Variants in WDR49 observed in about 807,000 individuals in gnomAD.
The protein encoded by WDR49 is cilia- and flagella-associated protein 337.
In WDR49, 107 loss-of-function variants were observed where a neutral mutation model predicts 119.5. The observed-to-expected ratio is 0.90, with a 90% CI of 0.77 to 1.05. The LOEUF is 1.05. Ranked by LOEUF, WDR49 falls within the 50% of genes least tolerant of loss-of-function variation. The probability of loss-of-function intolerance (pLI) is 0.00; values close to 1 mark genes in which losing one functional copy is unlikely to be tolerated. For missense variants in WDR49, 1,240 were observed against 1,220.5 expected, an observed-to-expected ratio of 1.02 and a Z score of -0.24; for synonymous variants, 425 against 418.8, an observed-to-expected ratio of 1.01 and a Z score of -0.18.
Position 167,527,915 on chromosome 3 carries a change from C to T in WDR49, c.2509G>A (p.Glu837Lys). The stretch of plus-strand genomic sequence containing the variant: ...ATAATCAGTAACTGACCACCTGGCT[C>T]ACACATCTCTAAGGAACTTATTCGG... ...EDRISSLEMCEPGGQLLIISS... is the reference protein window; with the variant it reads ...EDRISSLEMCKPGGQLLIISS... Residue 837 changes from glutamate to lysine, a missense_variant, in exon 15 of 19, where the codon GAG (glutamate) becomes AAG (lysine). Physicochemically the swap from Glu to Lys is moderately conservative, Grantham distance 56. Transcript: ENST00000682715. 1.2e-6 allele frequency: 2 copies of T among 1,613,258 alleles called. No individual in the cohort carries two copies. Among genetic ancestry groups the T allele is most frequent in the Non-Finnish European group, 8.5e-7 (1 of 1,179,574 alleles).
chr3:167,625,910 C>T (rs555880605), intron 3 of WDR49, among the ~76,000 whole-genome samples: 1 of 141,678 alleles, frequency 7.1e-6, no homozygotes, highest in African/African-American at 2.7e-5. Flanking sequence ...TCAACAGCAA[C>T]AGCCAAAATT....
intron 16 of WDR49, among the ~76,000 whole-genome samples, chr3:167,507,762 G>C (rs1751829080): frequency 6.6e-6 from 1 of 152,150 alleles, no homozygotes; most frequent in Admixed American, 6.5e-5. Context: ...CACAGAGGGA[G>C]AAAAGTAGTC....
intron 8 of WDR49, among the ~76,000 whole-genome samples, chr3:167,568,907 T>C (rs1713765929): frequency 6.6e-6 from 1 of 152,150 alleles, no homozygotes; most frequent in African/African-American, 2.4e-5. Flanking sequence ...GGGGTGGCTA[T>C]GAAATCATTG....
intron 10 of WDR49, among the ~76,000 whole-genome samples, chr3:167,540,562 T>C (rs922392708): frequency 7.2e-5 from 11 of 152,116 alleles, no homozygotes; most frequent in African/African-American, 2.4e-4. Flanking sequence ...AGCCCTTGAA[T>C]TCCAGATTTT....
At chr3:167,584,941 C>T (rs1021797547) in intron 7 of WDR49, among the ~76,000 whole-genome samples, 1 of 151,944 alleles carries the variant, frequency 6.6e-6, no homozygotes, top group African/African-American at 2.4e-5. Context: ...TTTTCTTGAT[C>T]GTAATAGCTT....
Position 167,526,813 on chromosome 3 carries a change from C to T in WDR49, c.2604+1007G>A, listed in dbSNP as rs117995947. On this transcript the variant is annotated intron_variant, in intron 15 of 18. Transcript: ENST00000682715. ...CAAATACAGCAACAACAAACCTTGT[C>T]TTCCAACACTAAAAGAATTGCCTAC... Among the ~76,000 whole-genome samples the T allele has an allele frequency of 3.1e-3, 477 of 152,228 alleles. 4 individuals carry two copies. Among genetic ancestry groups the T allele is most frequent in the East Asian group, 0.031 (161 of 5,168 alleles).
intron 2 of WDR49, among the ~76,000 whole-genome samples, chr3:167,650,096 C>T (rs984096623): frequency 6.6e-6 from 1 of 152,084 alleles, no homozygotes; most frequent in Non-Finnish European, 1.5e-5. Flanking sequence ...ACACTCAGAA[C>T]CTACATAGCC....
At position 167,560,165 on chromosome 3, in the gene WDR49, T is replaced by A. The variant is rs1336754432; in HGVS notation, c.1573A>T (p.Lys525Ter). Residue 525 changes from lysine to a stop codon, truncating the protein, a stop_gained, in exon 9 of 19, where the codon AAA becomes TAA. Transcript: ENST00000682715. LOFTEE classifies it high-confidence loss of function. ...FWMIDTGQKI[K>*]QFTGCHGNAE... ...TTGCCGTGGCAACCAGTAAACTGTT[T>A]GATTTTCTGCCCAGTGTCTATCATC... 1 of 1,614,096 alleles carries A rather than the reference T, an allele frequency of 6.2e-7. No individual in the cohort carries two copies. The highest frequency in any genetic ancestry group is 8.5e-7 in the Non-Finnish European group (1 of 1,180,040).
At chr3:167,648,641 T>A (rs1429925881) in intron 2 of WDR49, among the ~76,000 whole-genome samples, 1 of 152,180 alleles carries the variant, frequency 6.6e-6, no homozygotes, top group Non-Finnish European at 1.5e-5. Context: ...CAGCTGTCCC[T>A]ACTTGCCATA....
chr3:167,559,922 G>T, intron 9 of WDR49, 142 bp downstream of exon 9: 1 of 758,388 alleles, frequency 1.3e-6, no homozygotes, highest in South Asian at 2.6e-5. Flanking sequence ...TAGATGGTTG[G>T]AGTTATTTCA....
chr3:167,486,596 G>A (rs563542444), intron 18 of WDR49, among the ~76,000 whole-genome samples: 1 of 152,024 alleles, frequency 6.6e-6, no homozygotes, highest in Non-Finnish European at 1.5e-5. Flanking sequence ...AAGAGCAGGG[G>A]TCCCTATTCT....
Position 167,509,769 on chromosome 3 carries a change from A to T in WDR49, c.2775-4353T>A, listed in dbSNP as rs543234164. On this transcript the variant is annotated intron_variant, in intron 16 of 18. Coordinates refer to ENST00000682715, the MANE Select transcript of WDR49 (RefSeq NM_001366157.1). ...AAGGTATTTAAAGAACTGTTTTCCC[A>T]GTTAAAATTTGTAAACAGTCTACAT... 9.8e-5 allele frequency among the ~76,000 whole-genome samples: 15 copies of T among 152,322 alleles called. 1 individual carries two copies. The South Asian group carries it at 3.1e-3, about 32-fold the overall frequency.
chr3:167,505,638 C>T (rs1751741866), intron 16 of WDR49, among the ~76,000 whole-genome samples: 1 of 152,096 alleles, frequency 6.6e-6, no homozygotes, highest in Non-Finnish European at 1.5e-5. Flanking sequence ...CCAGAGTGTC[C>T]AAGAGTCTAA....
At chr3:167,523,729 C>A (rs1157836884) in intron 15 of WDR49, among the ~76,000 whole-genome samples, 1 of 152,076 alleles carries the variant, frequency 6.6e-6, no homozygotes, top group Non-Finnish European at 1.5e-5. Context: ...AAGAACTCAT[C>A]CTGTTTTATG....
chr3:167,564,666 T>C (rs1713481097), intron 8 of WDR49, among the ~76,000 whole-genome samples: 2 of 152,194 alleles, frequency 1.3e-5, no homozygotes, highest in African/African-American at 4.8e-5. Flanking sequence ...CCAGGACACA[T>C]GGGCCTCCTC....
At chr3:167,632,632 C>T (rs181491424) in intron 2 of WDR49, among the ~76,000 whole-genome samples, 2 of 152,086 alleles carry the variant, frequency 1.3e-5, no homozygotes, top group Admixed American at 1.3e-4. Context: ...CTATCATATG[C>T]CAACTTGAAT....
chr3:167,517,969 G>A (rs1027277229), intron 16 of WDR49, among the ~76,000 whole-genome samples: 4 of 151,740 alleles, frequency 2.6e-5, no homozygotes, highest in Non-Finnish European at 4.4e-5. Context: ...CCACCTATGA[G>A]TGAGAACATG....
chr3:167,654,838 G>T (rs1718544572), upstream of WDR49, among the ~76,000 whole-genome samples: 1 of 151,904 alleles, frequency 6.6e-6, no homozygotes, highest in Non-Finnish European at 1.5e-5. Context: ...GGCAGAGGTT[G>T]CAGTGAGCCA....
intron 12 of WDR49, among the ~76,000 whole-genome samples, chr3:167,532,675 G>A (rs1185092218): frequency 2.6e-5 from 4 of 152,124 alleles, no homozygotes; most frequent in Non-Finnish European, 4.4e-5. Context: ...GAGAAGAAAT[G>A]GCATGCCATG....
Sources: gnomAD v4.1 joint callset for allele counts (sites outside exome capture counted in the v4.1 genomes callset) on GRCh38, gnomAD v4.1.1 for gene constraint, MANE v1.5 for transcripts, NCBI Gene and HGNC (gene_info 2026-07-23, HGNC 2026-07-21) for gene names.